Variants in GRAMD1B observed in about 807,000 individuals in gnomAD.
GRAMD1B encodes the protein GRAM domain containing 1B, also known as protein Aster-B.
GRAMD1B carries 37 observed loss-of-function variants against 99.7 expected under a neutral mutation model. The observed-to-expected ratio is 0.37, with a 90% CI of 0.29 to 0.49. The LOEUF (loss-of-function observed/expected upper bound fraction) is 0.49. Ranked by LOEUF, GRAMD1B falls within the 20% of genes least tolerant of loss-of-function variation. The probability of loss-of-function intolerance (pLI) is 0.98; values close to 1 mark genes in which losing one functional copy is unlikely to be tolerated. For missense variants in GRAMD1B, 888 were observed against 1,009.2 expected (o/e 0.88, Z 1.63); for synonymous variants, 427 against 387.6 (o/e 1.10, Z -1.19).
chr11:123,405,775 G>A (rs1190717431), intron 1 of GRAMD1B, among the ~76,000 whole-genome samples: 3 of 152,190 alleles, frequency 2.0e-5, no homozygotes, highest in East Asian at 1.9e-4. Flanking sequence ...ATGCTATAGT[G>A]AAGTGTTTTG....
intron 1 of GRAMD1B, among the ~76,000 whole-genome samples, chr11:123,407,384 T>C (rs770263967): frequency 1.3e-5 from 2 of 152,134 alleles, no homozygotes; most frequent in Admixed American, 6.5e-5. Context: ...AGGAAACGGA[T>C]GAGAAACTTC....
At chr11:123,561,354 G>C (rs906637662) in intron 2 of GRAMD1B, among the ~76,000 whole-genome samples, 2 of 152,232 alleles carry the variant, frequency 1.3e-5, no homozygotes, top group African/African-American at 4.8e-5. Context: ...ATCCCACAGG[G>C]AGAGGGCCAT....
chr11:123,466,030 C>T (rs1488871207), intron 1 of GRAMD1B, among the ~76,000 whole-genome samples: 1 of 152,026 alleles, frequency 6.6e-6, no homozygotes, highest in Non-Finnish European at 1.5e-5. Flanking sequence ...GATCCCAGCA[C>T]TTTGTGGGGC....
At chr11:123,397,617 C>T (rs1423402459) in intron 1 of GRAMD1B, among the ~76,000 whole-genome samples, 1 of 152,140 alleles carries the variant, frequency 6.6e-6, no homozygotes, top group African/African-American at 2.4e-5. Context: ...ATCCTCCTGC[C>T]TCAGCCTCCC....
chr11:123,554,573 G>C (rs1206560319), intron 2 of GRAMD1B, among the ~76,000 whole-genome samples: 1 of 151,566 alleles, frequency 6.6e-6, no homozygotes, highest in Non-Finnish European at 1.5e-5. Flanking sequence ...TGCCGGACAT[G>C]GTGGTGTGTG....
At chr11:123,548,138 G>A (rs12786915) in intron 2 of GRAMD1B, among the ~76,000 whole-genome samples, 9,971 of 151,500 alleles carry the variant, frequency 0.066, 480 homozygotes, top group Admixed American at 0.11. Flanking sequence ...AATGGGGGGT[G>A]AGGCACTGCT....
intron 2 of GRAMD1B, chr11:123,525,887 G>C: frequency 1.9e-6 from 1 of 535,236 alleles, no homozygotes. Flanking sequence ...CGGGCAGGCG[G>C]CTCCAGCCCC....
At chr11:123,363,274 AC>A (rs894170193) in intron 1 of GRAMD1B, among the ~76,000 whole-genome samples, 1 of 152,106 alleles carries the variant, frequency 6.6e-6, no homozygotes, top group African/African-American at 2.4e-5. Flanking sequence ...TAAACAAATG[AC>A]CCCGTGATGG....
intron 2 of GRAMD1B, among the ~76,000 whole-genome samples, chr11:123,564,489 C>T (rs1947134297): frequency 6.6e-6 from 1 of 152,220 alleles, no homozygotes; most frequent in Non-Finnish European, 1.5e-5. Context: ...GTCAGGAAGG[C>T]CACCTAACTC....
intron 2 of GRAMD1B, among the ~76,000 whole-genome samples, chr11:123,548,169 C>T (rs745630246): frequency 6.6e-6 from 1 of 151,278 alleles, no homozygotes; most frequent in African/African-American, 2.4e-5. Context: ...AGCTTGTGCC[C>T]GTGGGTGAGT....
intron 5 of GRAMD1B, 62 bp downstream of exon 5, chr11:123,594,228 C>CA: frequency 8.7e-7 from 1 of 1,151,772 alleles, no homozygotes. Flanking sequence ...GCATAGCACT[C>CA]AGGGTGCTTC....
intron 2 of GRAMD1B, among the ~76,000 whole-genome samples, chr11:123,514,197 A>C (rs1941448691): frequency 6.6e-6 from 1 of 152,220 alleles, no homozygotes; most frequent in Non-Finnish European, 1.5e-5. Context: ...AAGAAGAATT[A>C]CTTGACTGGG....
chr11:123,583,191 T>C (rs1213513254), intron 3 of GRAMD1B, among the ~76,000 whole-genome samples: 2 of 151,798 alleles, frequency 1.3e-5, no homozygotes, highest in East Asian at 3.9e-4. Context: ...TGTTTGTGTA[T>C]ATGTGTGTGT....
At chr11:123,436,414 T>C (rs1399731183) in intron 1 of GRAMD1B, among the ~76,000 whole-genome samples, 1 of 152,142 alleles carries the variant, frequency 6.6e-6, no homozygotes, top group Non-Finnish European at 1.5e-5. Context: ...TGTGATCTTG[T>C]TGAGGAATGT....
chr11:123,420,494 T>C (rs1275851520), intron 1 of GRAMD1B, among the ~76,000 whole-genome samples: 6 of 152,240 alleles, frequency 3.9e-5, no homozygotes, highest in Non-Finnish European at 8.8e-5. Flanking sequence ...GGAGTTCTGC[T>C]AAATATTTGG....
chr11:123,505,247 G>A (rs1172798729), intron 2 of GRAMD1B, among the ~76,000 whole-genome samples: 1 of 151,418 alleles, frequency 6.6e-6, no homozygotes, highest in East Asian at 1.9e-4. Context: ...TTCCGGGCTG[G>A]TCCTGAACTC....
chr11:123,474,515 C>T (rs181509346), intron 1 of GRAMD1B, among the ~76,000 whole-genome samples: 1 of 152,126 alleles, frequency 6.6e-6, no homozygotes, highest in East Asian at 1.9e-4. Flanking sequence ...TGAGTAATCG[C>T]AATAAGTCTC....
intron 1 of GRAMD1B, among the ~76,000 whole-genome samples, chr11:123,439,584 T>C (rs879479958): frequency 2.0e-5 from 3 of 152,114 alleles, no homozygotes; most frequent in Non-Finnish European, 2.9e-5. Flanking sequence ...AGCCCTTCTG[T>C]GTCCTCTGTA....
intron 2 of GRAMD1B, among the ~76,000 whole-genome samples, chr11:123,553,254 A>G (rs959848361): frequency 2.0e-5 from 3 of 152,226 alleles, no homozygotes; most frequent in African/African-American, 7.2e-5. Flanking sequence ...AGAAAAAGAT[A>G]ATACCCAGGA....
Sources: gnomAD v4.1 joint callset for allele counts (sites outside exome capture counted in the v4.1 genomes callset) on GRCh38, gnomAD v4.1.1 for gene constraint, MANE v1.5 for transcripts, NCBI Gene and HGNC (gene_info 2026-07-23, HGNC 2026-07-21) for gene names.